KHSRP: variants seen among roughly 807,000 people sequenced by gnomAD.
KHSRP encodes far upstream element-binding protein 2.
KHSRP carries 13 observed loss-of-function variants against 94.9 expected under a neutral mutation model. The observed-to-expected ratio is 0.14, with a 90% CI of 0.09 to 0.22. The LOEUF (loss-of-function observed/expected upper bound fraction) is 0.22. KHSRP is among the 10% of genes least tolerant of loss of function. The pLI is 1.00. For missense variants in KHSRP, 710 were observed against 1,010.0 expected (o/e 0.70, Z 4.03); for synonymous variants, 495 against 401.4 (o/e 1.23, Z -2.79).
At chr19:6,417,674 C>T in intron 11 of KHSRP, 65 bp downstream of exon 11, 2 of 1,427,942 alleles carry the variant, frequency 1.4e-6, no homozygotes, top group Non-Finnish European at 2.0e-6. Flanking sequence ...CCAGCTCCCT[C>T]AGAGCCTGCC....
Position 6,415,471 on chromosome 19 carries a change from G to A in KHSRP, c.1889-14C>T, listed in dbSNP as rs752993917. On this transcript the variant is annotated splice_polypyrimidine_tract_variant and intron_variant, in intron 17 of 18. Transcript: ENST00000600480. ...GGGGCTGCTGGCCTGTGCGGGCGCC[G>A]AGACAGGTCAGAAACCACTCCCCCG... is the stretch of plus-strand genomic sequence containing the variant. The A allele has an allele frequency of 2.2e-5, 34 of 1,553,894 alleles. No individual in the cohort carries two copies. The highest frequency in any genetic ancestry group is 8.3e-5 in the South Asian group (7 of 84,282).
Position 6,414,064 on chromosome 19 carries a change from G to GAA in KHSRP, c.*958_*959dup. ...AGAAGCCCCCAAACAGAACAAAATG[G>GAA]AAAAAAAAAAGATTTTTCACAGATG... is the stretch of plus-strand genomic sequence containing the variant. On this transcript the variant is annotated 3_prime_UTR_variant, in exon 19 of 19. Coordinates refer to ENST00000600480, the MANE Select transcript of KHSRP (RefSeq NM_001366299.1). 10 of 1,393,832 alleles carry GAA rather than the reference G, an allele frequency of 7.2e-6. No homozygotes were observed. The highest frequency in any genetic ancestry group is 5.2e-5 in the South Asian group (4 of 77,366). 86.3% of individuals were successfully genotyped at this position (1,393,832 alleles called of 1,614,324 possible).
In KHSRP at chr19:6,418,244, C is replaced by T. The variant is rs2092167709; in HGVS notation, c.880-165G>A. Among the ~76,000 whole-genome samples, 1 of 152,144 alleles carries T rather than the reference C, an allele frequency of 6.6e-6. No individual in the cohort carries two copies. Among genetic ancestry groups the T allele is most frequent in the South Asian group, 2.1e-4 (1 of 4,822 alleles). On this transcript the variant is annotated intron_variant, in intron 9 of 18. Coordinates refer to ENST00000600480, the MANE Select transcript of KHSRP (RefSeq NM_001366299.1). This position sits in a 1 kb window ranked among gnomAD's most constrained non-coding sequence, Gnocchi z 4.3. The stretch of plus-strand genomic sequence containing the variant: ...TGCCACTTTAATGGGGAGGCACTAC[C>T]AGCAGCCCCGTTTCCAGATAAAAAA...
rs1599249022 is a variant in KHSRP at position 6,424,802 on chromosome 19, G to A, written c.-101C>T. 9.6e-6 allele frequency: 3 copies of A among 312,452 alleles called. No homozygotes were observed. Among genetic ancestry groups the A allele is most frequent in the African/African-American group, 2.3e-5 (1 of 44,290 alleles). 19.4% of individuals were successfully genotyped at this position (312,452 alleles called of 1,614,324 possible). A position where few individuals can be genotyped will look rare whatever the true frequency, so the allele number is the denominator to read the frequency against. Reference sequence around the variant, plus strand: ...ACAAGGCCTCGCTCCACACGGCCGCGGAGCACTCTGGGAACCCAGCCGCTG... The same window carrying A: ...ACAAGGCCTCGCTCCACACGGCCGCAGAGCACTCTGGGAACCCAGCCGCTG... On this transcript the variant is annotated 5_prime_UTR_variant, in exon 1 of 19. Transcript: ENST00000600480.
At chr19:6,421,488 C>G (rs1046238649) in intron 3 of KHSRP, 162 bp downstream of exon 3, 18 of 1,010,982 alleles carry the variant, frequency 1.8e-5, no homozygotes, top group Non-Finnish European at 2.6e-5. Flanking sequence ...TCATCTCCCT[C>G]AATTTCAGGG....
chr19:6,419,070 A>G, intron 7 of KHSRP, 133 bp downstream of exon 7: 2 of 1,136,928 alleles, frequency 1.8e-6, no homozygotes, highest in Non-Finnish European at 2.5e-6. Context: ...CCTCATGTTA[A>G]CATGGCTGTC....
chr19:6,416,184 G>A, intron 15 of KHSRP, 114 bp downstream of exon 15: 1 of 817,960 alleles, frequency 1.2e-6, no homozygotes, highest in Non-Finnish European at 1.9e-6. Context: ...ACAAAAATGG[G>A]CTGGATGAGG....
Position 6,416,974 on chromosome 19 carries a change from C to T in KHSRP, c.1182+13G>A, listed in dbSNP as rs748885214. On this transcript the variant is annotated intron_variant, in intron 12 of 18. Coordinates refer to ENST00000600480, the MANE Select transcript of KHSRP (RefSeq NM_001366299.1). ...AGGCCCTGCCAGCCCCTTCAGCACC[C>T]GGGGCCACCTACCCTGAGGCTCTGG... 3.2e-5 allele frequency: 51 copies of T among 1,613,552 alleles called. No homozygotes were observed. The highest frequency in any genetic ancestry group is 8.3e-5 in the Admixed American group (5 of 60,002).
In KHSRP at chr19:6,424,744, A is replaced by AGGCGGC. The variant is rs757588744; in HGVS notation, c.-49_-44dup. ...CCTGGCGCGGAGGCTGAAGCTGAGG[A>AGGCGGC]GGCGGCGGCGGCGGCGGCGGCTCAA... On this transcript the variant is annotated 5_prime_UTR_variant, in exon 1 of 19. Coordinates refer to ENST00000600480, the MANE Select transcript of KHSRP (RefSeq NM_001366299.1). 731 of 922,932 alleles carry AGGCGGC rather than the reference A, an allele frequency of 7.9e-4. 17 individuals are homozygous for AGGCGGC. The highest frequency in any genetic ancestry group is 8.0e-4 in the Non-Finnish European group (605 of 758,154). The allele number at this position is 922,932 out of a possible 1,614,324, so 57.2% of individuals were successfully genotyped here.
chr19:6,418,408 AC>A lies in KHSRP; in HGVS notation c.879+74del. ...CACATATCTCTCTGGCGGAATGCAG[AC>A]CCCGAGACCGCTGGCCCTGCCCACC... On this transcript the variant is annotated intron_variant, in intron 9 of 18. Coordinates refer to ENST00000600480, the MANE Select transcript of KHSRP (RefSeq NM_001366299.1). The surrounding 1 kb of genome is among the most constrained non-coding windows in gnomAD (Gnocchi z 4.3). 9.6e-7 allele frequency: 1 copy of A among 1,045,250 alleles called. No homozygotes were observed. Among genetic ancestry groups the A allele is most frequent in the East Asian group, 2.5e-5 (1 of 40,192 alleles). The allele number at this position is 1,045,250 out of a possible 1,614,324, so 64.7% of individuals were successfully genotyped here.
rs2092175895 is a variant in KHSRP, at chr19:6,418,947, C to G, written c.606-71G>C. ...AAAGGTACTGGTCTGGTGGCCCACC[C>G]AGCTCAAAGGGAAGGCGACCCCAGA... is the stretch of plus-strand genomic sequence containing the variant. On this transcript the variant is annotated intron_variant, in intron 7 of 18. Transcript: ENST00000600480. The surrounding 1 kb of genome is among the most constrained non-coding windows in gnomAD (Gnocchi z 4.3). 2.8e-6 allele frequency: 4 copies of G among 1,444,190 alleles called. No individual in the cohort carries two copies. In the Admixed American group the frequency reaches 8.1e-5, roughly 29 times the overall value. 89.5% of individuals were successfully genotyped at this position (1,444,190 alleles called of 1,614,324 possible). A position where few individuals can be genotyped will look rare whatever the true frequency, so the allele number is the denominator to read the frequency against.
At position 6,415,241 on chromosome 19, in the gene KHSRP, G is replaced by T; in HGVS notation, c.2027C>A (p.Ala676Asp). 6.2e-7 allele frequency: 1 copy of T among 1,612,698 alleles called. No individual in the cohort carries two copies. Residue 676 changes from alanine (A) to aspartate (D), a missense_variant, in exon 19 of 19, where the codon GCC (alanine) becomes GAC (aspartate). Around this residue, in one of 5 missense-constraint regions of KHSRP, gnomAD observed 292 missense variants for 340.5 expected, o/e 0.86. Transcript: ENST00000600480. ...APPGSQPDYS[A>D]AWAEYYRQQA... ...CTGTCTGTAATATTCCGCCCAGGCG[G>T]CACTGTAGTCTGGCTGGGAGCCTGG...
chr19:6,424,529 G>A lies in KHSRP; in HGVS notation c.173C>T (p.Pro58Leu), dbSNP rs1051432599. The A allele has an allele frequency of 1.4e-5, 14 of 981,846 alleles. No homozygotes were observed. Among genetic ancestry groups the A allele is most frequent in the African/African-American group, 5.3e-5 (3 of 56,318 alleles). The allele number at this position is 981,846 out of a possible 1,614,324, so 60.8% of individuals were successfully genotyped here. A position where few individuals can be genotyped will look rare whatever the true frequency, so the allele number is the denominator to read the frequency against. ...GGPGGGSAGG[P>L]SQPPGGGGPG... ...GCCGCCTCCGCCGGGTGGCTGAGAG[G>A]GGCCCCCGGCCGACCCCCCGCCCGG... Residue 58 changes from proline (P) to leucine (L), a missense_variant, in exon 1 of 19, where the codon CCC (proline) becomes CTC (leucine). By Grantham distance (98) the Pro-to-Leu change is moderately conservative. This residue lies in a region of KHSRP where 92 missense variants were observed against 80.8 expected (regional missense o/e 1.14). Coordinates refer to ENST00000600480, the MANE Select transcript of KHSRP (RefSeq NM_001366299.1).
rs538567901 is a variant in KHSRP at position 6,414,866 on chromosome 19, G to A, written c.*158C>T. 10 of 1,305,562 alleles carry A rather than the reference G, an allele frequency of 7.7e-6. No homozygotes were observed. Among genetic ancestry groups the A allele is most frequent in the South Asian group, 6.3e-5 (3 of 47,394 alleles). 80.9% of individuals were successfully genotyped at this position (1,305,562 alleles called of 1,614,324 possible). A position where few individuals can be genotyped will look rare whatever the true frequency, so the allele number is the denominator to read the frequency against. The stretch of plus-strand genomic sequence containing the variant: ...CCAGCAGTTCAGAAGTCCCGCCTGC[G>A]AGTCTCAGCGCTCCCCAGCATCACG... On this transcript the variant is annotated 3_prime_UTR_variant, in exon 19 of 19. Transcript: ENST00000600480.
At chr19:6,423,491 G>A (rs780372516) in intron 1 of KHSRP, among the ~76,000 whole-genome samples, 1 of 152,206 alleles carries the variant, frequency 6.6e-6, no homozygotes, top group Non-Finnish European at 1.5e-5. Flanking sequence ...CCCACAGGGG[G>A]CCTGTCCCCA....
At chr19:6,421,144 A>T in intron 4 of KHSRP, 134 bp downstream of exon 4, 1 of 781,904 alleles carries the variant, frequency 1.3e-6, no homozygotes, top group Non-Finnish European at 2.1e-6. Context: ...TTCCCGTCTG[A>T]GCACTCTGGT....
At chr19:6,415,784 T>C (rs8103311) in intron 16 of KHSRP, 24 bp downstream of exon 16, 587,721 of 1,554,118 alleles carry the variant, frequency 0.38, 115,676 homozygotes, top group Admixed American at 0.61. Flanking sequence ...GGGCCTGCCC[T>C]CCGCCAGGTG....
chr19:6,422,190 A>T (rs920028260), intron 2 of KHSRP, 150 bp downstream of exon 2: 4 of 602,020 alleles, frequency 6.6e-6, no homozygotes, highest in Non-Finnish European at 1.2e-5. Context: ...TGGCAGACGG[A>T]ACAAGAAGAA....
In KHSRP at chr19:6,421,257, G is replaced by A. The variant is rs770195188; in HGVS notation, c.425+21C>T. ...GCTGGCCAACAGACAAGAAAGCAGT[G>A]TGGGCCCCACCATGGCTTACCTTGG... On this transcript the variant is annotated intron_variant, in intron 4 of 18. Coordinates refer to ENST00000600480, the MANE Select transcript of KHSRP (RefSeq NM_001366299.1). 4 of 1,576,804 alleles carry A rather than the reference G, an allele frequency of 2.5e-6. No homozygotes were observed. In the South Asian group the frequency reaches 4.7e-5, roughly 18 times the overall value.
Sources: allele counts gnomAD v4.1 joint callset (sites outside exome capture counted in the v4.1 genomes callset), GRCh38; gene constraint gnomAD v4.1.1; regional missense constraint gnomAD v4.1.1; non-coding constraint Gnocchi (gnomAD v3.1); transcripts MANE v1.5; gene names NCBI Gene and HGNC (gene_info 2026-07-23, HGNC 2026-07-21).